GABRG3: variants seen among roughly 807,000 people sequenced by gnomAD.
GABRG3 encodes gamma-aminobutyric acid receptor subunit gamma-3.
GABRG3 carries 25 observed loss-of-function variants against 48.8 expected under a neutral mutation model. That is an observed-to-expected ratio of 0.51 (90% CI 0.37 to 0.72). GABRG3 has a LOEUF of 0.72. GABRG3 is among the 30% of genes least tolerant of loss of function. GABRG3 has a pLI of 0.00. For synonymous variants in GABRG3, 227 were observed against 217.6 expected (o/e 1.04, Z -0.38); for missense variants, 394 against 577.9 (o/e 0.68, Z 3.26).
In GABRG3 at chr15:26,976,913, A is replaced by G; in HGVS notation, c.54-89A>G. 7.2e-7 allele frequency: 1 copy of G among 1,386,506 alleles called. No individual in the cohort carries two copies. The highest frequency in any genetic ancestry group is 1.0e-6 in the Non-Finnish European group (1 of 994,994). The allele number at this position is 1,386,506 out of a possible 1,614,324, so 85.9% of individuals were successfully genotyped here. On this transcript the variant is annotated intron_variant, in intron 1 of 9. Coordinates refer to ENST00000615808, the MANE Select transcript of GABRG3 (RefSeq NM_033223.5). The surrounding 1 kb of genome is among the most constrained non-coding windows in gnomAD (Gnocchi z 7.8). ...TGTGGGTACTGGGGACTTTCTACCC[A>G]TTTCATGGTACTTGGATAGGACAAA...
chr15:27,032,447 G>A (rs917584761), intron 3 of GABRG3, among the ~76,000 whole-genome samples: 9 of 152,166 alleles, frequency 5.9e-5, no homozygotes, highest in Admixed American at 4.6e-4. Flanking sequence ...AGGTTTATTT[G>A]GTTCACAGTT....
intron 5 of GABRG3, among the ~76,000 whole-genome samples, chr15:27,404,494 C>T (rs1566826259): frequency 6.6e-6 from 1 of 152,178 alleles, no homozygotes; most frequent in African/African-American, 2.4e-5. Context: ...CCCCACATAG[C>T]TCTAGAGCTT....
At chr15:27,135,165 A>T (rs1159744031) in intron 3 of GABRG3, among the ~76,000 whole-genome samples, 8 of 152,202 alleles carry the variant, frequency 5.3e-5, no homozygotes, top group Admixed American at 4.6e-4. Context: ...GTAGGCAGTG[A>T]TGCCTCTTTT....
intron 3 of GABRG3, among the ~76,000 whole-genome samples, chr15:27,222,093 C>A (rs1363230554): frequency 6.6e-6 from 1 of 152,204 alleles, no homozygotes; most frequent in Non-Finnish European, 1.5e-5. Flanking sequence ...TCCTGGAGAA[C>A]CTTAGTCCCT....
At position 27,527,578 on chromosome 15, in the gene GABRG3, C is replaced by T. The variant is rs746102581; in HGVS notation, c.1011C>T (p.Leu337=). The T allele has an allele frequency of 8.1e-6, 13 of 1,613,496 alleles. No individual in the cohort carries two copies. In the African/African-American group the frequency reaches 9.3e-5, roughly 12 times the overall value. ...VFAALMEYAT[L]NYYSSCRKPT... is the part of the protein sequence containing the mutation. ...CCGCGCTGATGGAGTATGCCACCCT[C>T]AACTACTATTCCAGCTGTAGAAAAC... Residue 337 remains leucine, a synonymous_variant, in exon 8 of 10, where the codon CTC becomes CTT. Transcript: ENST00000615808.
At chr15:27,284,369 T>A (rs1348870150) in intron 3 of GABRG3, among the ~76,000 whole-genome samples, 1 of 152,218 alleles carries the variant, frequency 6.6e-6, no homozygotes, top group Non-Finnish European at 1.5e-5. Context: ...CCCCAAATAT[T>A]TGCCAAGTGA....
intron 3 of GABRG3, among the ~76,000 whole-genome samples, chr15:27,210,211 A>G (rs1889028973): frequency 6.6e-6 from 1 of 152,206 alleles, no homozygotes; most frequent in Non-Finnish European, 1.5e-5. Flanking sequence ...CCTCAGAGAA[A>G]AGGGCCCCCA....
Position 27,307,046 on chromosome 15 carries a change from T to C in GABRG3, c.271-19763T>C, listed in dbSNP as rs1347238099. On this transcript the variant is annotated intron_variant, in intron 3 of 9. Coordinates refer to ENST00000615808, the MANE Select transcript of GABRG3 (RefSeq NM_033223.5). ...TATATAAACATGTATAAAATAAACATGTTTATATATAAACATGTATAATAT... is the reference window on the plus strand; with the variant it reads ...TATATAAACATGTATAAAATAAACACGTTTATATATAAACATGTATAATAT... 4.0e-5 allele frequency among the ~76,000 whole-genome samples: 5 copies of C among 123,856 alleles called. 1 individual carries two copies. The highest frequency in any genetic ancestry group is 1.0e-4 in the African/African-American group (3 of 29,596). The allele number at this position is 123,856 out of a possible 152,430, so 81.3% of individuals were successfully genotyped here.
intron 3 of GABRG3, among the ~76,000 whole-genome samples, chr15:27,295,578 A>G (rs374982862): frequency 4.5e-4 from 68 of 152,338 alleles, no homozygotes; most frequent in African/African-American, 1.6e-3. Context: ...ATGGGTAGCC[A>G]GGCAGTTAGG....
At chr15:27,389,680 C>G (rs1242459144) in intron 5 of GABRG3, among the ~76,000 whole-genome samples, 1 of 152,182 alleles carries the variant, frequency 6.6e-6, no homozygotes, top group African/African-American at 2.4e-5. Flanking sequence ...ACAGAACAAT[C>G]CGTCACAGCT....
chr15:27,529,510 G>T (rs1405992694), intron 9 of GABRG3, among the ~76,000 whole-genome samples: 1 of 152,148 alleles, frequency 6.6e-6, no homozygotes, highest in Non-Finnish European at 1.5e-5. Flanking sequence ...TGCAGTGCCA[G>T]GTGGTTTGCT....
At chr15:27,372,209 A>G (rs1267211680) in intron 5 of GABRG3, among the ~76,000 whole-genome samples, 2 of 152,158 alleles carry the variant, frequency 1.3e-5, no homozygotes, top group Non-Finnish European at 2.9e-5. Flanking sequence ...AATTTTAGGA[A>G]AAACCAATAT....
chr15:27,468,224 C>A (rs147050699), intron 5 of GABRG3, among the ~76,000 whole-genome samples: 1 of 152,304 alleles, frequency 6.6e-6, no homozygotes, highest in East Asian at 1.9e-4. Context: ...GTGAAAAGTA[C>A]ACACTCAAGA....
At chr15:27,145,971 G>GA (rs1157229477) in intron 3 of GABRG3, among the ~76,000 whole-genome samples, 3 of 151,452 alleles carry the variant, frequency 2.0e-5, no homozygotes, top group East Asian at 1.9e-4. Context: ...CAAAGTGTTA[G>GA]AAAAAAAAGA....
At chr15:27,147,438 T>C (rs753297757) in intron 3 of GABRG3, among the ~76,000 whole-genome samples, 9 of 151,984 alleles carry the variant, frequency 5.9e-5, no homozygotes, top group Non-Finnish European at 1.3e-4. Flanking sequence ...ATAGAATATT[T>C]GAACAACACT....
chr15:27,426,792 C>A (rs917081067), intron 5 of GABRG3, among the ~76,000 whole-genome samples: 15 of 152,256 alleles, frequency 9.9e-5, no homozygotes, highest in African/African-American at 3.6e-4. Context: ...CCCCTCACTC[C>A]ATCCTGGGTC....
At chr15:27,104,374 G>A (rs1005776622) in intron 3 of GABRG3, among the ~76,000 whole-genome samples, 24 of 152,218 alleles carry the variant, frequency 1.6e-4, no homozygotes, top group African/African-American at 4.8e-4. Context: ...AAAGTGGCGC[G>A]TGAGTTTGAG....
At chr15:27,218,973 C>G (rs941263337) in intron 3 of GABRG3, among the ~76,000 whole-genome samples, 3 of 152,170 alleles carry the variant, frequency 2.0e-5, no homozygotes, top group Non-Finnish European at 4.4e-5. Flanking sequence ...GGTCTCCTCT[C>G]TCCCTGATGA....
chr15:27,419,407 G>A (rs1888042257), intron 5 of GABRG3, among the ~76,000 whole-genome samples: 1 of 152,004 alleles, frequency 6.6e-6, no homozygotes, highest in Admixed American at 6.6e-5. Context: ...GTCTAGCATA[G>A]TCTTTTGTGT....
Sources: allele counts gnomAD v4.1 joint callset (sites outside exome capture counted in the v4.1 genomes callset), GRCh38; gene constraint gnomAD v4.1.1; non-coding constraint Gnocchi (gnomAD v3.1); transcripts MANE v1.5; gene names NCBI Gene and HGNC (gene_info 2026-07-23, HGNC 2026-07-21).